GRIK1: variants seen among roughly 807,000 people sequenced by gnomAD.
GRIK1 encodes the protein glutamate receptor ionotropic, kainate 1.
GRIK1 carries 69 observed loss-of-function variants against 105.7 expected under a neutral mutation model. The observed-to-expected ratio is 0.65, with a 90% CI of 0.54 to 0.80. GRIK1 has a LOEUF of 0.80. GRIK1 is among the 30% of genes least tolerant of loss of function. The probability of loss-of-function intolerance (pLI) is 0.00; values close to 1 mark genes in which losing one functional copy is unlikely to be tolerated. For missense variants in GRIK1, 1,109 were observed against 1,167.3 expected, an observed-to-expected ratio of 0.95 and a Z score of 0.73; for synonymous variants, 438 against 431.3, an observed-to-expected ratio of 1.02 and a Z score of -0.19.
Position 29,694,023 on chromosome 21 carries a change from A to T in GRIK1, c.159T>A (p.Val53=). The change falls in exon 2 of 18, where the codon GTT becomes GTA. Residue 53 remains valine (V), a synonymous_variant. Coordinates refer to ENST00000327783, the MANE Select transcript of GRIK1 (RefSeq NM_001330994.2). ...FETVENEPVN[V]EELAFKFAVT... ...CTGCAAACTTGAAAGCTAATTCTTC[A>T]ACATTAACAGGCTCATTTTCCACTG... 2 of 1,613,478 alleles carry T rather than the reference A, an allele frequency of 1.2e-6. No individual in the cohort carries two copies. Among genetic ancestry groups the T allele is most frequent in the Non-Finnish European group, 8.5e-7 (1 of 1,179,446 alleles).
chr21:29,866,607 G>A (rs981766943), intron 1 of GRIK1, among the ~76,000 whole-genome samples: 3 of 152,080 alleles, frequency 2.0e-5, no homozygotes, highest in Non-Finnish European at 4.4e-5. Flanking sequence ...GGGACTTTTG[G>A]ATCTAAAATT....
At chr21:29,902,104 T>G (rs1476823192) in intron 1 of GRIK1, among the ~76,000 whole-genome samples, 2 of 152,242 alleles carry the variant, frequency 1.3e-5, no homozygotes, top group Non-Finnish European at 2.9e-5. Context: ...CAGCCTTTCA[T>G]GCTAAAAACT....
intron 1 of GRIK1, among the ~76,000 whole-genome samples, chr21:29,890,105 T>A (rs565492930): frequency 6.6e-6 from 1 of 152,136 alleles, no homozygotes; most frequent in African/African-American, 2.4e-5. Flanking sequence ...TGTTTAATCA[T>A]AAATATTTTT....
At chr21:29,808,855 G>A (rs2066933988) in intron 1 of GRIK1, among the ~76,000 whole-genome samples, 1 of 152,118 alleles carries the variant, frequency 6.6e-6, no homozygotes, top group Non-Finnish European at 1.5e-5. Context: ...ATATGGCAAA[G>A]AAATATACTT....
Position 29,693,905 on chromosome 21 carries a change from A to G in GRIK1, c.277T>C (p.Ser93Pro), listed in dbSNP as rs2063635272. 6.2e-7 allele frequency: 1 copy of G among 1,611,856 alleles called. No individual in the cohort carries two copies. The highest frequency in any genetic ancestry group is 1.1e-5 in the South Asian group (1 of 90,886). ...GTGGGAAAATAGTTACCTCTCCGCG[A>G]GGCTTCAAAACTATCAAAAAGGTTA... ...RINLFDSFEA[S>P]RRACDQLALG... is the part of the protein sequence containing the mutation. Residue 93 changes from serine (S) to proline (P), a missense_variant, in exon 2 of 18, where the codon TCG becomes CCG. Coordinates refer to ENST00000327783, the MANE Select transcript of GRIK1 (RefSeq NM_001330994.2).
intron 1 of GRIK1, among the ~76,000 whole-genome samples, chr21:29,899,935 A>G (rs571910490): frequency 1.3e-5 from 2 of 152,308 alleles, no homozygotes; most frequent in African/African-American, 2.4e-5. Context: ...TTTAGTTAGC[A>G]AAGATTCCTT....
intron 14 of GRIK1, among the ~76,000 whole-genome samples, chr21:29,569,016 A>C (rs2090676313): frequency 6.6e-6 from 1 of 152,216 alleles, no homozygotes; most frequent in African/African-American, 2.4e-5. Context: ...TATGCAATGT[A>C]TGTGCTCAAG....
chr21:29,570,501 CAA>C (rs34538814), intron 14 of GRIK1, among the ~76,000 whole-genome samples: 24 of 126,374 alleles, frequency 1.9e-4, no homozygotes, highest in Admixed American at 3.3e-4. Flanking sequence ...GACTCCATCT[CAA>C]AAAAAAAAAA....
chr21:29,726,252 C>A (rs2064456006), intron 1 of GRIK1, among the ~76,000 whole-genome samples: 1 of 152,116 alleles, frequency 6.6e-6, no homozygotes, highest in Non-Finnish European at 1.5e-5. Context: ...GAATATTTAA[C>A]TCTTTGTCAG....
intron 16 of GRIK1, among the ~76,000 whole-genome samples, chr21:29,540,724 C>A (rs2089954808): frequency 6.6e-6 from 1 of 151,988 alleles, no homozygotes; most frequent in Non-Finnish European, 1.5e-5. Flanking sequence ...ATTCACAGAG[C>A]CATAGAAACA....
chr21:29,694,411 A>G lies in GRIK1; in HGVS notation c.119-348T>C, dbSNP rs573789265. 1.3e-4 allele frequency among the ~76,000 whole-genome samples: 20 copies of G among 152,246 alleles called. No individual in the cohort carries two copies. In the East Asian group the frequency reaches 3.1e-3, roughly 24 times the overall value. On this transcript the variant is annotated intron_variant, in intron 1 of 17. Coordinates refer to ENST00000327783, the MANE Select transcript of GRIK1 (RefSeq NM_001330994.2). ...AGTTCTGGGATTACAAGCATGAGCC[A>G]CCACACCCGGCCAGTAAAAAGAAGA... is the stretch of plus-strand genomic sequence containing the variant.
chr21:29,684,421 C>A (rs2063448054), intron 3 of GRIK1, among the ~76,000 whole-genome samples: 1 of 152,106 alleles, frequency 6.6e-6, no homozygotes, highest in Admixed American at 6.5e-5. Context: ...ATTTATATAT[C>A]TATCTAATCT....
At chr21:29,662,105 C>T (rs1210790807) in intron 4 of GRIK1, among the ~76,000 whole-genome samples, 1 of 152,190 alleles carries the variant, frequency 6.6e-6, no homozygotes, top group Non-Finnish European at 1.5e-5. Context: ...ATAAGCTTCT[C>T]TCCTTAGAGG....
intron 1 of GRIK1, among the ~76,000 whole-genome samples, chr21:29,732,584 A>G (rs2064662611): frequency 6.6e-6 from 1 of 152,180 alleles, no homozygotes; most frequent in Non-Finnish European, 1.5e-5. Flanking sequence ...GTTAAATGTT[A>G]AATATCATAA....
chr21:29,904,186 G>A (rs2070518776), intron 1 of GRIK1, among the ~76,000 whole-genome samples: 1 of 152,024 alleles, frequency 6.6e-6, no homozygotes, highest in Non-Finnish European at 1.5e-5. Flanking sequence ...GACAGGCGAT[G>A]GGTGCCGCAA....
At chr21:29,601,252 T>A in intron 7 of GRIK1, 2 of 508,082 alleles carry the variant, frequency 3.9e-6, no homozygotes, top group Non-Finnish European at 8.0e-6. Flanking sequence ...CCTTCACCTG[T>A]TCTTGAGAAC....
chr21:29,784,603 G>A (rs570068324), intron 1 of GRIK1, among the ~76,000 whole-genome samples: 18 of 152,112 alleles, frequency 1.2e-4, no homozygotes, highest in Admixed American at 3.3e-4. Flanking sequence ...TCTATTTAAA[G>A]TATGTATGAC....
At chr21:29,625,128 C>T (rs2062094957) in intron 7 of GRIK1, among the ~76,000 whole-genome samples, 1 of 152,188 alleles carries the variant, frequency 6.6e-6, no homozygotes, top group Admixed American at 6.5e-5. Flanking sequence ...TGAAGCTTTA[C>T]TTGTGAATAA....
intron 7 of GRIK1, among the ~76,000 whole-genome samples, chr21:29,636,723 A>G (rs763670411): frequency 4.6e-5 from 7 of 152,222 alleles, no homozygotes; most frequent in African/African-American, 1.2e-4. Context: ...GACATCTGCA[A>G]TTCTGTCCAC....
Sources: allele counts gnomAD v4.1 joint callset (sites outside exome capture counted in the v4.1 genomes callset), GRCh38; gene constraint gnomAD v4.1.1; transcripts MANE v1.5; gene names NCBI Gene and HGNC (gene_info 2026-07-23, HGNC 2026-07-21).